Variants in ANGPTL4 observed in about 807,000 individuals in gnomAD.
The protein encoded by ANGPTL4 is angiopoietin like 4.
Under a neutral mutation model 39.2 loss-of-function variants are expected in ANGPTL4, and 39 were observed. That is an observed-to-expected ratio of 1.00 (90% CI 0.77 to 1.30). The LOEUF is 1.30. Ranked by LOEUF, ANGPTL4 falls within the 50% of genes most tolerant of loss-of-function variation. The pLI, the probability that ANGPTL4 is intolerant of heterozygous loss-of-function variation, is 0.00. For synonymous variants in ANGPTL4, 233 were observed against 229.5 expected (o/e 1.02, Z -0.14); for missense variants, 545 against 549.8 (o/e 0.99, Z 0.09).
chr19:8,371,361 T>C lies in ANGPTL4; in HGVS notation c.878T>C (p.Leu293Pro), dbSNP rs1239952923. The C allele has an allele frequency of 6.2e-7, 1 of 1,613,562 alleles. No individual in the cohort carries two copies. The highest frequency in any genetic ancestry group is 8.5e-7 in the Non-Finnish European group (1 of 1,180,034). ...NAELLQFSVH[L>P]GGEDTAYSLQ... Reference sequence around the variant, plus strand: ...GAGTTGCTGCAGTTCTCCGTGCACCTGGGTGGCGAGGACACGGCCTATAGC... The same window carrying C: ...GAGTTGCTGCAGTTCTCCGTGCACCCGGGTGGCGAGGACACGGCCTATAGC... Residue 293 changes from leucine (L) to proline (P), a missense_variant, in exon 6 of 7, where the codon CTG becomes CCG. Transcript: ENST00000301455. The surrounding 1 kb of genome is among the most constrained non-coding windows in gnomAD (Gnocchi z 5.1).
At chr19:8,367,174 G>A (rs991740661) in intron 3 of ANGPTL4, among the ~76,000 whole-genome samples, 2 of 151,756 alleles carry the variant, frequency 1.3e-5, no homozygotes, top group Admixed American at 6.6e-5. Flanking sequence ...TCCTCCCCAA[G>A]CTCCCGCTCC....
At chr19:8,368,818 G>A (rs1429926628) in intron 3 of ANGPTL4, among the ~76,000 whole-genome samples, 3 of 152,194 alleles carry the variant, frequency 2.0e-5, no homozygotes, top group African/African-American at 7.2e-5. Context: ...TTGCGCCACT[G>A]CACTCCAGCC....
chr19:8,373,124 G>C lies in ANGPTL4; in HGVS notation c.1040-581G>C, dbSNP rs184688830. ...TCTCTACTAAAAATACAAAAATTAG[G>C]CCAGGCGCAGTGGGTCATACCTGTA... is the stretch of plus-strand genomic sequence containing the variant. On this transcript the variant is annotated intron_variant, in intron 6 of 6. Coordinates refer to ENST00000301455, the MANE Select transcript of ANGPTL4 (RefSeq NM_139314.3). Among the ~76,000 whole-genome samples, 182 of 151,954 alleles carry C rather than the reference G, an allele frequency of 1.2e-3. 2 individuals are homozygous for C. Among genetic ancestry groups the C allele is most frequent in the African/African-American group, 4.2e-3 (173 of 41,464 alleles).
chr19:8,366,364 C>T lies in ANGPTL4; in HGVS notation c.547+45C>T, dbSNP rs535804231. 2.3e-5 allele frequency: 36 copies of T among 1,582,968 alleles called. No homozygotes were observed. The Admixed American group carries it at 2.8e-4, about 12-fold the overall frequency. On this transcript the variant is annotated intron_variant, in intron 3 of 6. Transcript: ENST00000301455. ...TGCTCTCCGGTGGCCACCCCTACCC[C>T]GCCACTTGCCATTGCTGGTCCTCTC...
Position 8,364,225 on chromosome 19 carries a change from G to C in ANGPTL4, c.-97G>C. 1.6e-6 allele frequency: 2 copies of C among 1,290,270 alleles called. No homozygotes were observed. Among genetic ancestry groups the C allele is most frequent in the Non-Finnish European group, 2.1e-6 (2 of 946,952 alleles). The allele number at this position is 1,290,270 out of a possible 1,614,324, so 79.9% of individuals were successfully genotyped here. A position where few individuals can be genotyped will look rare whatever the true frequency, so the allele number is the denominator to read the frequency against. ...TTCCAGCGGCTTCTGCAACCAAGCG[G>C]GTCTTACCCCCGGTCCTCCGCGTCT... On this transcript the variant is annotated 5_prime_UTR_variant, in exon 1 of 7. Coordinates refer to ENST00000301455, the MANE Select transcript of ANGPTL4 (RefSeq NM_139314.3).
intron 6 of ANGPTL4, among the ~76,000 whole-genome samples, chr19:8,372,176 C>T (rs774092063): frequency 1.3e-5 from 2 of 151,852 alleles, no homozygotes; most frequent in Non-Finnish European, 2.9e-5. Context: ...CCTGCCTCAG[C>T]CTCCTGAGTA....
chr19:8,367,139 C>T (rs1481921613), intron 3 of ANGPTL4, among the ~76,000 whole-genome samples: 1 of 152,064 alleles, frequency 6.6e-6, no homozygotes, highest in Non-Finnish European at 1.5e-5. Context: ...GGCAGGCTTC[C>T]AGCACTGTAG....
At chr19:8,369,846 C>T (rs562410250) in intron 4 of ANGPTL4, among the ~76,000 whole-genome samples, 110 of 152,010 alleles carry the variant, frequency 7.2e-4, no homozygotes, top group African/African-American at 2.2e-3. Flanking sequence ...ATCACTTGAG[C>T]CCAGAAGTTC....
rs1366469910 is a variant in ANGPTL4, at chr19:8,371,290, C to T, written c.807C>T (p.Arg269=). ...AGGTGCATAGCATCACGGGGGACCG[C>T]AACAGCCGCCTGGCCGTGCAGCTGC... ...LEKVHSITGD[R]NSRLAVQLRD... Residue 269 remains arginine, a synonymous_variant, in exon 6 of 7, where the codon CGC becomes CGT. Transcript: ENST00000301455. The surrounding 1 kb of genome is among the most constrained non-coding windows in gnomAD (Gnocchi z 5.1). 3 of 1,613,946 alleles carry T rather than the reference C, an allele frequency of 1.9e-6. No individual in the cohort carries two copies. The highest frequency in any genetic ancestry group is 1.7e-5 in the Admixed American group (1 of 60,034).
intron 4 of ANGPTL4, 25 bp downstream of exon 4, chr19:8,369,357 GC>G: frequency 6.4e-7 from 1 of 1,567,036 alleles, no homozygotes; most frequent in Non-Finnish European, 8.7e-7. Context: ...TCCACCAGGG[GC>G]CCCTCTCCCC....
intron 6 of ANGPTL4, among the ~76,000 whole-genome samples, chr19:8,372,059 A>G (rs1383626333): frequency 1.4e-5 from 2 of 138,104 alleles, no homozygotes; most frequent in Non-Finnish European, 3.1e-5. Flanking sequence ...CGCCCGGCCT[A>G]CTTATTTATT....
At position 8,369,913 on chromosome 19, in the gene ANGPTL4, TAAA is replaced by T. The variant is rs199657129; in HGVS notation, c.661+588_661+590del. Reference sequence around the variant, plus strand: ...ATCTTTACAAAAAATTTTGTAAAAGTAAAAAAAAAGGCCAAGTGCAGTGGCTCA... The same window carrying T: ...ATCTTTACAAAAAATTTTGTAAAAGTAAAAAAGGCCAAGTGCAGTGGCTCA... On this transcript the variant is annotated intron_variant, in intron 4 of 6. Coordinates refer to ENST00000301455, the MANE Select transcript of ANGPTL4 (RefSeq NM_139314.3). 2.0e-5 allele frequency among the ~76,000 whole-genome samples: 3 copies of T among 149,474 alleles called. No homozygotes were observed. The Admixed American group carries it at 2.0e-4, about 10-fold the overall frequency.
chr19:8,371,140 G>A lies in ANGPTL4; in HGVS notation c.746G>A (p.Gly249Glu). 1.2e-6 allele frequency: 2 copies of A among 1,613,504 alleles called. No individual in the cohort carries two copies. The highest frequency in any genetic ancestry group is 1.7e-6 in the Non-Finnish European group (2 of 1,179,740). ...TGGGAAGCCTACAAGGCGGGGTTTGGGGATCCCCACGGTAGGTGTTTCTAG... is the reference window on the plus strand; with the variant it reads ...TGGGAAGCCTACAAGGCGGGGTTTGAGGATCCCCACGGTAGGTGTTTCTAG... ...RPWEAYKAGF[G>E]DPHGEFWLGL... The change falls in exon 5 of 7, where the codon GGG (glycine) becomes GAG (glutamate). Residue 249 changes from glycine (G) to glutamate (E), a missense_variant. Gly to Glu is a moderately conservative substitution (Grantham distance 98). Coordinates refer to ENST00000301455, the MANE Select transcript of ANGPTL4 (RefSeq NM_139314.3). This position sits in a 1 kb window ranked among gnomAD's most constrained non-coding sequence, Gnocchi z 5.1.
At chr19:8,366,457 G>A (rs1971009018) in intron 3 of ANGPTL4, 138 bp downstream of exon 3, 2 of 998,080 alleles carry the variant, frequency 2.0e-6, no homozygotes, top group Non-Finnish European at 3.0e-6. Context: ...CAGTCTCTGG[G>A]TCAAAGCTGA....
Position 8,364,398 on chromosome 19 carries a change from G to A in ANGPTL4, c.77G>A (p.Gly26Glu). 2 of 1,546,596 alleles carry A rather than the reference G, an allele frequency of 1.3e-6. No homozygotes were observed. The highest frequency in any genetic ancestry group is 1.7e-6 in the Non-Finnish European group (2 of 1,149,452). Reference sequence around the variant, plus strand: ...GCCGTGCTACTGAGCGCTCAGGGCGGACCCGTGCAGTCCAAGTCGCCGCGC... The same window carrying A: ...GCCGTGCTACTGAGCGCTCAGGGCGAACCCGTGCAGTCCAAGTCGCCGCGC... ...ATAVLLSAQG[G>E]PVQSKSPRFA... The change falls in exon 1 of 7, where the codon GGA becomes GAA. Residue 26 changes from glycine to glutamate, a missense_variant. Physicochemically the swap from Gly to Glu is moderately conservative, Grantham distance 98. Coordinates refer to ENST00000301455, the MANE Select transcript of ANGPTL4 (RefSeq NM_139314.3).
At chr19:8,367,862 G>A (rs529528365) in intron 3 of ANGPTL4, among the ~76,000 whole-genome samples, 4 of 152,252 alleles carry the variant, frequency 2.6e-5, no homozygotes, top group South Asian at 4.1e-4. Context: ...ACGGAGTCTC[G>A]CTCTGTTGTC....
In ANGPTL4 at chr19:8,373,980, A is replaced by C; in HGVS notation, c.*94A>C. 7.2e-7 allele frequency: 1 copy of C among 1,393,966 alleles called. No individual in the cohort carries two copies. The highest frequency in any genetic ancestry group is 2.3e-5 in the East Asian group (1 of 43,686). 86.3% of individuals were successfully genotyped at this position (1,393,966 alleles called of 1,614,324 possible). A position where few individuals can be genotyped will look rare whatever the true frequency, so the allele number is the denominator to read the frequency against. The stretch of plus-strand genomic sequence containing the variant: ...CGTTCCCTGCCTGGGCAGGGGCTCC[A>C]AGGAGGGGCCATCTGGAAACTTGTG... On this transcript the variant is annotated 3_prime_UTR_variant, in exon 7 of 7. Coordinates refer to ENST00000301455, the MANE Select transcript of ANGPTL4 (RefSeq NM_139314.3).
At position 8,374,261 on chromosome 19, in the gene ANGPTL4, C is replaced by T. The variant is rs1273546437; in HGVS notation, c.*375C>T. The T allele has an allele frequency of 3.4e-6, 1 of 297,828 alleles. No individual in the cohort carries two copies. Among genetic ancestry groups the T allele is most frequent in the Non-Finnish European group, 6.6e-6 (1 of 152,626 alleles). The allele number at this position is 297,828 out of a possible 1,614,324, so 18.4% of individuals were successfully genotyped here. On this transcript the variant is annotated 3_prime_UTR_variant, in exon 7 of 7. Transcript: ENST00000301455. ...CAGGGCTTGTGTGGGTCGAGAGCGCCCTCATGGTGCTGGTGCTGTTGTGTG... is the reference window on the plus strand; with the variant it reads ...CAGGGCTTGTGTGGGTCGAGAGCGCTCTCATGGTGCTGGTGCTGTTGTGTG...
At chr19:8,364,718 G>C (rs1265343539) in intron 1 of ANGPTL4, 79 bp downstream of exon 1, 2 of 1,515,720 alleles carry the variant, frequency 1.3e-6, no homozygotes, top group Admixed American at 3.9e-5. Context: ...AGTGGGGCGT[G>C]GGGGCGGGGT....
Sources: gnomAD v4.1 joint callset for allele counts (sites outside exome capture counted in the v4.1 genomes callset) on GRCh38, gnomAD v4.1.1 for gene constraint, Gnocchi (gnomAD v3.1) non-coding constraint, MANE v1.5 for transcripts, NCBI Gene and HGNC (gene_info 2026-07-23, HGNC 2026-07-21) for gene names.